The following AFAP1 variants were observed in gnomAD, a reference collection of about 807,000 sequenced individuals.
The protein encoded by AFAP1 is actin filament-associated protein 1.
In AFAP1, 75 loss-of-function variants were observed where a neutral mutation model predicts 93.9. That is an observed-to-expected ratio of 0.80 (90% CI 0.66 to 0.97). The LOEUF is 0.97. Ranked by LOEUF, AFAP1 falls within the 50% of genes least tolerant of loss-of-function variation. AFAP1 has a pLI of 0.00. For synonymous variants in AFAP1, 517 were observed against 430.7 expected, an observed-to-expected ratio of 1.20 and a Z score of -2.48; for missense variants, 1,201 against 1,050.8, an observed-to-expected ratio of 1.14 and a Z score of -1.98.
chr4:7,898,982 G>C (rs898954218), intron 1 of AFAP1, among the ~76,000 whole-genome samples: 3 of 147,498 alleles, frequency 2.0e-5, no homozygotes, highest in Admixed American at 6.8e-5. Context: ...ATATACAATG[G>C]TATTGTATAT....
intron 4 of AFAP1, among the ~76,000 whole-genome samples, chr4:7,848,505 G>A (rs758350895): frequency 3.2e-4 from 48 of 152,220 alleles, no homozygotes; most frequent in African/African-American, 1.0e-3. Flanking sequence ...TCCCAAGGCC[G>A]GGATGCCTGA....
chr4:7,821,413 T>C (rs1362043484), intron 6 of AFAP1, among the ~76,000 whole-genome samples: 1 of 152,174 alleles, frequency 6.6e-6, no homozygotes, highest in Non-Finnish European at 1.5e-5. Context: ...GATGCAGGGA[T>C]GGTGAGCCTG....
chr4:7,880,402 C>G (rs1369577584), intron 1 of AFAP1, among the ~76,000 whole-genome samples: 1 of 151,626 alleles, frequency 6.6e-6, no homozygotes, highest in African/African-American at 2.4e-5. Flanking sequence ...GCCTCAGCCT[C>G]CTGAGTAGCT....
At chr4:7,820,566 C>A (rs888869082) in intron 6 of AFAP1, among the ~76,000 whole-genome samples, 1 of 151,930 alleles carries the variant, frequency 6.6e-6, no homozygotes, top group African/African-American at 2.4e-5. Context: ...GCACAGTCTC[C>A]AAGGAGAGGG....
intron 1 of AFAP1, among the ~76,000 whole-genome samples, chr4:7,877,664 T>C (rs139239101): frequency 6.6e-6 from 1 of 152,326 alleles, no homozygotes; most frequent in Non-Finnish European, 1.5e-5. Context: ...AACTCAAACC[T>C]GAGTCCAAAA....
At position 7,781,537 on chromosome 4, in the gene AFAP1, G is replaced by T. The variant is rs867871213; in HGVS notation, c.1621C>A (p.Pro541Thr). The change falls in exon 13 of 18, where the codon CCG (proline) becomes ACG (threonine). Residue 541 changes from proline (P) to threonine (T), a missense_variant. Coordinates refer to ENST00000420658, the MANE Select transcript of AFAP1 (RefSeq NM_001134647.2). ...YDNAGLYDNL[P>T]PPHIFARYSP... ...TAGCGGGCAAAGATGTGCGGAGGCG[G>T]CAAGTTATCGTACAGGCCTGCGTTA... 1 of 1,552,028 alleles carries T rather than the reference G, an allele frequency of 6.4e-7. No homozygotes were observed. The highest frequency in any genetic ancestry group is 2.0e-5 in the Admixed American group (1 of 50,994).
chr4:7,905,853 G>A (rs1407384677), intron 1 of AFAP1, among the ~76,000 whole-genome samples: 2 of 152,218 alleles, frequency 1.3e-5, no homozygotes, highest in African/African-American at 2.4e-5. Context: ...TGCTGAGTCA[G>A]TAACATTTAC....
At chr4:7,851,300 C>G (rs988103666) in intron 4 of AFAP1, among the ~76,000 whole-genome samples, 1 of 152,182 alleles carries the variant, frequency 6.6e-6, no homozygotes, top group Non-Finnish European at 1.5e-5. Flanking sequence ...ATCCTCAAGT[C>G]AAAGCGGGTG....
In AFAP1 at chr4:7,843,303, C is replaced by T; in HGVS notation, c.382G>A (p.Glu128Lys). ...TTCTTCCCCTTCCCATCCTCCTCCT[C>T]TTCATCATACGACTCATAAGAGCTG... ...MSSSYESYDE[E>K]EEDGKGKKTR... is the part of the protein sequence containing the mutation. The change falls in exon 5 of 18, where the codon GAG becomes AAG. Residue 128 changes from glutamate (E) to lysine (K), a missense_variant. Transcript: ENST00000420658. 6.2e-7 allele frequency: 1 copy of T among 1,614,112 alleles called. No homozygotes were observed. Among genetic ancestry groups the T allele is most frequent in the Non-Finnish European group, 8.5e-7 (1 of 1,180,000 alleles).
At chr4:7,771,249 G>A (rs1002524365) in intron 16 of AFAP1, among the ~76,000 whole-genome samples, 9 of 152,130 alleles carry the variant, frequency 5.9e-5, no homozygotes, top group African/African-American at 9.7e-5. Context: ...GCTGGGCATG[G>A]CGGCCCCCGC....
intron 8 of AFAP1, among the ~76,000 whole-genome samples, chr4:7,812,684 C>T (rs77349105): frequency 0.17 from 26,281 of 152,090 alleles, 3,012 homozygotes; most frequent in African/African-American, 0.33. Flanking sequence ...CAGGCACTGG[C>T]GCACGCCACT....
intron 5 of AFAP1, among the ~76,000 whole-genome samples, chr4:7,842,527 G>A (rs543719066): frequency 6.6e-6 from 1 of 151,730 alleles, no homozygotes; most frequent in Non-Finnish European, 1.5e-5. Flanking sequence ...GAAGGAAGGT[G>A]GGGAGGGAGT....
intron 12 of AFAP1, among the ~76,000 whole-genome samples, chr4:7,784,756 A>T (rs1717111082): frequency 6.6e-6 from 1 of 152,006 alleles, no homozygotes; most frequent in Non-Finnish European, 1.5e-5. Context: ...CGGCCACTAG[A>T]ACCTGCTTTC....
chr4:7,906,645 C>T (rs1420780137), intron 1 of AFAP1, among the ~76,000 whole-genome samples: 2 of 152,208 alleles, frequency 1.3e-5, no homozygotes, highest in African/African-American at 2.4e-5. Context: ...GCTTGAAGCC[C>T]TCCAAACTCA....
At position 7,759,662 on chromosome 4, in the gene AFAP1, A is replaced by ATAGTT. The variant is rs572474092; in HGVS notation, c.*4098_*4102dup. 11 of 152,812 alleles carry ATAGTT rather than the reference A, an allele frequency of 7.2e-5. No homozygotes were observed. Among genetic ancestry groups the ATAGTT allele is most frequent in the African/African-American group, 1.9e-4 (8 of 41,596 alleles). 9.5% of individuals were successfully genotyped at this position (152,812 alleles called of 1,614,324 possible). A position where few individuals can be genotyped will look rare whatever the true frequency, so the allele number is the denominator to read the frequency against. On this transcript the variant is annotated 3_prime_UTR_variant, in exon 18 of 18. Coordinates refer to ENST00000420658, the MANE Select transcript of AFAP1 (RefSeq NM_001134647.2). ...TTTTAGGAAAAGTAAGAGGAAGGCA[A>ATAGTT]TAGTTTAGTTTAACATTGAAACATT...
At chr4:7,907,255 G>C (rs1560230688) in intron 1 of AFAP1, among the ~76,000 whole-genome samples, 1 of 152,098 alleles carries the variant, frequency 6.6e-6, no homozygotes, top group Admixed American at 6.6e-5. Context: ...TTACCCCTCA[G>C]CTGACAGCTA....
chr4:7,821,707 T>C (rs1013708613), intron 6 of AFAP1, among the ~76,000 whole-genome samples: 2 of 152,182 alleles, frequency 1.3e-5, no homozygotes, highest in African/African-American at 4.8e-5. Context: ...AACACCAAAG[T>C]CCCAGATATG....
rs756716378 is a variant in AFAP1 at position 7,855,489 on chromosome 4, T to C, written c.311A>G (p.Lys104Arg). 4 of 1,612,550 alleles carry C rather than the reference T, an allele frequency of 2.5e-6. No individual in the cohort carries two copies. Among genetic ancestry groups the C allele is most frequent in the East Asian group, 2.2e-5 (1 of 44,862 alleles). ...ACTTGATGTGATGTATTCCGGAGCTTTTCCGGGGCTCAGCGGCACAGCTTC... is the reference window on the plus strand; with the variant it reads ...ACTTGATGTGATGTATTCCGGAGCTCTTCCGGGGCTCAGCGGCACAGCTTC... ...YEEAVPLSPG[K>R]APEYITSNYD... The change falls in exon 4 of 18, where the codon AAA becomes AGA. Residue 104 changes from lysine to arginine, a missense_variant. By Grantham distance (26) the Lys-to-Arg change is conservative. Coordinates refer to ENST00000420658, the MANE Select transcript of AFAP1 (RefSeq NM_001134647.2).
chr4:7,815,990 A>G (rs201952796), intron 8 of AFAP1, 28 bp downstream of exon 8: 529 of 1,574,134 alleles, frequency 3.4e-4, no homozygotes, highest in Non-Finnish European at 4.4e-4. Flanking sequence ...TTTAGTGTAT[A>G]TATGTTTTTG....
Sources: gnomAD v4.1 joint callset for allele counts (sites outside exome capture counted in the v4.1 genomes callset) on GRCh38, gnomAD v4.1.1 for gene constraint, MANE v1.5 for transcripts, NCBI Gene and HGNC (gene_info 2026-07-23, HGNC 2026-07-21) for gene names.